AGMO: variants seen among roughly 807,000 people sequenced by gnomAD.
AGMO encodes alkylglycerol monooxygenase.
A neutral mutation model predicts 60.2 loss-of-function variants in AGMO; 75 were observed. That is an observed-to-expected ratio of 1.25 (90% CI 1.03 to 1.51). The LOEUF is 1.51. Among genes scored for constraint, AGMO ranks in the 40% most tolerant of loss-of-function variants. The pLI, the probability that AGMO is intolerant of heterozygous loss-of-function variation, is 0.00. For synonymous variants in AGMO, 261 were observed against 177.1 expected, an observed-to-expected ratio of 1.47 and a Z score of -3.76; for missense variants, 763 against 525.5, an observed-to-expected ratio of 1.45 and a Z score of -4.42.
intron 12 of AGMO, among the ~76,000 whole-genome samples, chr7:15,207,496 T>C (rs1296147999): frequency 6.6e-6 from 1 of 152,236 alleles, no homozygotes; most frequent in East Asian, 1.9e-4. Flanking sequence ...CACACTTCTA[T>C]TTACATTGTT....
At chr7:15,152,864 G>A in the AGMO span, among the ~76,000 whole-genome samples, 1 of 152,116 alleles carries the variant, frequency 6.6e-6, no homozygotes, top group Non-Finnish European at 1.5e-5. Context: ...ATACCTAGTA[G>A]TGGGATTGCT....
intron 10 of AGMO, among the ~76,000 whole-genome samples, chr7:15,371,783 G>A (rs1410687221): frequency 6.6e-6 from 1 of 150,726 alleles, no homozygotes; most frequent in Non-Finnish European, 1.5e-5. Flanking sequence ...ACTCAAGTCT[G>A]GCCTCAGCCT....
At chr7:15,152,757 G>T in the AGMO span, among the ~76,000 whole-genome samples, 5 of 152,060 alleles carry the variant, frequency 3.3e-5, no homozygotes, top group African/African-American at 1.2e-4. Flanking sequence ...ATGGGCATTT[G>T]GGCTGGTTCC....
the AGMO span, among the ~76,000 whole-genome samples, chr7:15,134,910 T>C: frequency 6.6e-6 from 1 of 152,226 alleles, no homozygotes; most frequent in Admixed American, 6.5e-5. Flanking sequence ...TGGAAACTTT[T>C]AGTTTACACA....
chr7:15,236,166 C>A (rs772600941), intron 12 of AGMO, among the ~76,000 whole-genome samples: 6 of 152,018 alleles, frequency 3.9e-5, no homozygotes, highest in African/African-American at 9.7e-5. Context: ...AAAGACATTG[C>A]AATGATTCTG....
rs537242230 is a variant in AGMO, at chr7:15,412,578, C to T, written c.609+5980G>A. ...CAGAGGTTGAAAAGTTGTAAAATTG[C>T]TAAGCAGAGATTTCAATTGCTGTCT... is the stretch of plus-strand genomic sequence containing the variant. On this transcript the variant is annotated intron_variant, in intron 5 of 12. Transcript: ENST00000342526. 2.7e-5 allele frequency among the ~76,000 whole-genome samples: 4 copies of T among 150,782 alleles called. No homozygotes were observed. The South Asian group carries it at 8.3e-4, about 31-fold the overall frequency.
rs538881554 is a variant in AGMO at position 15,366,093 on chromosome 7, C to G, written c.1157+47G>C. ...GTATTTTACCACTCTGTGGAAAATTCTTGAATTGAGTAAAAGTAAAAACAA... is the reference window on the plus strand; with the variant it reads ...GTATTTTACCACTCTGTGGAAAATTGTTGAATTGAGTAAAAGTAAAAACAA... On this transcript the variant is annotated intron_variant, in intron 11 of 12. Transcript: ENST00000342526. 3.5e-6 allele frequency: 5 copies of G among 1,441,746 alleles called. No homozygotes were observed. The Admixed American group carries it at 5.7e-5, about 16-fold the overall frequency. The allele number at this position is 1,441,746 out of a possible 1,614,324, so 89.3% of individuals were successfully genotyped here.
chr7:15,264,064 T>A (rs1346525225), intron 12 of AGMO, among the ~76,000 whole-genome samples: 1 of 150,662 alleles, frequency 6.6e-6, no homozygotes, highest in East Asian at 1.9e-4. Flanking sequence ...CCTATTGAAA[T>A]AAAAAATGAA....
At chr7:15,491,154 T>C (rs1014788413) in intron 3 of AGMO, among the ~76,000 whole-genome samples, 4 of 152,220 alleles carry the variant, frequency 2.6e-5, no homozygotes, top group African/African-American at 2.4e-5. Flanking sequence ...AATACTGTTA[T>C]GTGCAGGCCC....
At chr7:15,464,468 C>A (rs927515440) in intron 3 of AGMO, among the ~76,000 whole-genome samples, 2 of 152,170 alleles carry the variant, frequency 1.3e-5, no homozygotes, top group Non-Finnish European at 2.9e-5. Context: ...ACTTTTTAAA[C>A]AAGTAAGTCG....
chr7:15,235,692 T>A (rs6952254), intron 12 of AGMO, among the ~76,000 whole-genome samples: 12 of 152,036 alleles, frequency 7.9e-5, no homozygotes, highest in Non-Finnish European at 1.5e-4. Context: ...TAGCCACTAA[T>A]AGCTGTAGAC....
intron 3 of AGMO, among the ~76,000 whole-genome samples, chr7:15,489,903 G>A (rs1783026646): frequency 6.6e-6 from 1 of 152,164 alleles, no homozygotes; most frequent in Admixed American, 6.5e-5. Flanking sequence ...TGAGTAAACA[G>A]CCTCAAAATG....
At chr7:15,532,274 G>C (rs1784388283) in intron 3 of AGMO, among the ~76,000 whole-genome samples, 1 of 152,146 alleles carries the variant, frequency 6.6e-6, no homozygotes, top group African/African-American at 2.4e-5. Flanking sequence ...AGTGTGTGTT[G>C]CATTTAATGA....
chr7:15,451,309 T>C (rs1004592499), intron 3 of AGMO, among the ~76,000 whole-genome samples: 1 of 90,212 alleles, frequency 1.1e-5, no homozygotes, highest in Non-Finnish European at 2.8e-5. Context: ...TTGAAGAAGA[T>C]AAAATGATTC....
intron 12 of AGMO, among the ~76,000 whole-genome samples, chr7:15,325,312 A>G (rs928136413): frequency 4.6e-5 from 7 of 152,158 alleles, no homozygotes; most frequent in African/African-American, 1.7e-4. Context: ...ACTTTCACAC[A>G]TATCTAAATA....
rs1313398847 is a variant in AGMO, at chr7:15,390,876, A to G, written c.706T>C (p.Tyr236His). The G allele has an allele frequency of 2.5e-6, 4 of 1,604,054 alleles. No individual in the cohort carries two copies. The highest frequency in any genetic ancestry group is 3.4e-6 in the Non-Finnish European group (4 of 1,174,916). The change falls in exon 7 of 13, where the codon TAT (tyrosine) becomes CAT (histidine). Residue 236 changes from tyrosine to histidine, a missense_variant. Tyr to His is a moderately conservative substitution (Grantham distance 83). Coordinates refer to ENST00000342526, the MANE Select transcript of AGMO (RefSeq NM_001004320.2). ...GRNRYCIDKNYAGVLIIWDKI... is the reference protein window; with the variant it reads ...GRNRYCIDKNHAGVLIIWDKI... ...TCCCAAATAATAAGAACACCAGCATAATTTTTGTCTATGCAATAACGATTT... is the reference window on the plus strand; with the variant it reads ...TCCCAAATAATAAGAACACCAGCATGATTTTTGTCTATGCAATAACGATTT...
chr7:15,313,439 A>T (rs1343872807), intron 12 of AGMO, among the ~76,000 whole-genome samples: 4 of 152,042 alleles, frequency 2.6e-5, no homozygotes, highest in African/African-American at 9.7e-5. Flanking sequence ...ATTCAGTCTT[A>T]CTTCTGTCTG....
At chr7:15,274,492 T>G (rs1240903578) in intron 12 of AGMO, among the ~76,000 whole-genome samples, 1 of 152,206 alleles carries the variant, frequency 6.6e-6, no homozygotes, top group African/African-American at 2.4e-5. Flanking sequence ...GGATAAGCTT[T>G]TTGATGTGCT....
At chr7:15,248,179 CATATAT>C (rs71549925) in intron 12 of AGMO, among the ~76,000 whole-genome samples, 765 of 32,612 alleles carry the variant, frequency 0.023, 27 homozygotes, top group Middle Eastern at 0.036. Flanking sequence ...GATCCAGCAC[CATATAT>C]ATATATATAT....
Sources: allele counts gnomAD v4.1 joint callset (sites outside exome capture counted in the v4.1 genomes callset), GRCh38; gene constraint gnomAD v4.1.1; transcripts MANE v1.5; gene names NCBI Gene and HGNC (gene_info 2026-07-23, HGNC 2026-07-21).